The following PIP5K1B variants were observed in gnomAD, a reference collection of about 807,000 sequenced individuals.
PIP5K1B encodes phosphatidylinositol-4-phosphate 5-kinase type 1 beta, also known as phosphatidylinositol 4-phosphate 5-kinase type-1 beta.
In PIP5K1B, 42 loss-of-function variants were observed where a neutral mutation model predicts 67.0. That is an observed-to-expected ratio of 0.63 (90% confidence interval 0.49 to 0.81). PIP5K1B has a LOEUF of 0.81. Among genes scored for constraint, PIP5K1B ranks in the 30% least tolerant of loss-of-function variants. The probability of loss-of-function intolerance (pLI) is 0.00; values close to 1 mark genes in which losing one functional copy is unlikely to be tolerated. For synonymous variants in PIP5K1B, 214 were observed against 231.4 expected (o/e 0.92, Z 0.68); for missense variants, 459 against 646.3 (o/e 0.71, Z 3.14).
Position 68,789,746 on chromosome 9 carries a change from C to T in PIP5K1B, c.-85-28715C>T, listed in dbSNP as rs534139260. ...GCCTCAGGACTCTGCAGATTTTCAA[C>T]CCCATCTTTCAAGACCAGGCTCAGT... On this transcript the variant is annotated intron_variant, in intron 2 of 15. Coordinates refer to ENST00000265382, the MANE Select transcript of PIP5K1B (RefSeq NM_003558.4). The T allele has an allele frequency of 1.1e-4, 26 of 237,530 alleles. No homozygotes were observed. The South Asian group carries it at 1.4e-3, about 13-fold the overall frequency. The allele number at this position is 237,530 out of a possible 1,614,324, so 14.7% of individuals were successfully genotyped here. A position where few individuals can be genotyped will look rare whatever the true frequency, so the allele number is the denominator to read the frequency against.
chr9:68,731,570 A>T (rs1828432700), intron 1 of PIP5K1B, among the ~76,000 whole-genome samples: 1 of 152,218 alleles, frequency 6.6e-6, no homozygotes, highest in South Asian at 2.1e-4. Flanking sequence ...AGGCAATCGC[A>T]AAAACAAATG....
At chr9:68,708,544 C>CCA (rs1554702639) in intron 1 of PIP5K1B, among the ~76,000 whole-genome samples, 2 of 146,662 alleles carry the variant, frequency 1.4e-5, no homozygotes, top group Non-Finnish European at 3.0e-5. Context: ...GTTTGCCGCC[C>CCA]CCCCGCCCCT....
chr9:68,898,572 A>G (rs943228048), intron 8 of PIP5K1B, among the ~76,000 whole-genome samples: 21 of 152,266 alleles, frequency 1.4e-4, no homozygotes, highest in African/African-American at 4.1e-4. Flanking sequence ...TGCGTGTCCT[A>G]TTTGAAAACT....
At chr9:68,734,636 A>G (rs1828636122) in intron 1 of PIP5K1B, among the ~76,000 whole-genome samples, 1 of 152,188 alleles carries the variant, frequency 6.6e-6, no homozygotes, top group Non-Finnish European at 1.5e-5. Flanking sequence ...TGCTCCCATG[A>G]CATTTTGCTC....
At chr9:68,724,307 T>C (rs1828050572) in intron 1 of PIP5K1B, among the ~76,000 whole-genome samples, 1 of 151,924 alleles carries the variant, frequency 6.6e-6, no homozygotes, top group Non-Finnish European at 1.5e-5. Context: ...TGTAGTATAA[T>C]TTGAGATTAG....
At chr9:68,711,804 A>C (rs548311818) in intron 1 of PIP5K1B, among the ~76,000 whole-genome samples, 3 of 152,316 alleles carry the variant, frequency 2.0e-5, no homozygotes, top group East Asian at 3.9e-4. Context: ...TTTTATTTGA[A>C]AGTATTCAGT....
At chr9:68,712,612 G>A (rs1013031326) in intron 1 of PIP5K1B, among the ~76,000 whole-genome samples, 11 of 152,078 alleles carry the variant, frequency 7.2e-5, no homozygotes, top group Admixed American at 3.3e-4. Flanking sequence ...GATGAAGTGG[G>A]CCATCATTTA....
intron 4 of PIP5K1B, among the ~76,000 whole-genome samples, chr9:68,835,574 T>G (rs1222326704): frequency 1.3e-5 from 2 of 152,208 alleles, no homozygotes; most frequent in Non-Finnish European, 2.9e-5. Context: ...AGTCCAGGTA[T>G]TACTAGAATT....
chr9:68,872,306 G>C (rs775972998), intron 5 of PIP5K1B, among the ~76,000 whole-genome samples: 26 of 152,292 alleles, frequency 1.7e-4, no homozygotes, highest in Middle Eastern at 3.4e-3. Flanking sequence ...CTCTGCACTC[G>C]TGCTCCCCTG....
At chr9:68,903,144 A>G (rs1217711203) in intron 8 of PIP5K1B, among the ~76,000 whole-genome samples, 1 of 152,150 alleles carries the variant, frequency 6.6e-6, no homozygotes, top group African/African-American at 2.4e-5. Flanking sequence ...TGCTACTAAA[A>G]ATCTGCTCTG....
chr9:69,008,702 A>C lies in PIP5K1B; in HGVS notation c.*253A>C, dbSNP rs1460383345. The C allele has an allele frequency of 8.3e-6, 4 of 483,814 alleles. No individual in the cohort carries two copies. Among genetic ancestry groups the C allele is most frequent in the Non-Finnish European group, 1.5e-5 (4 of 263,188 alleles). The allele number at this position is 483,814 out of a possible 1,614,324, so 30.0% of individuals were successfully genotyped here. A position where few individuals can be genotyped will look rare whatever the true frequency, so the allele number is the denominator to read the frequency against. On this transcript the variant is annotated 3_prime_UTR_variant, in exon 16 of 16. Coordinates refer to ENST00000265382, the MANE Select transcript of PIP5K1B (RefSeq NM_003558.4). ...TGAAGAACTGCATGAACTATATTTA[A>C]GCTGCTTTCTGTACCATTGCCAATC...
At chr9:68,738,156 A>G (rs1828830958) in intron 1 of PIP5K1B, among the ~76,000 whole-genome samples, 1 of 152,214 alleles carries the variant, frequency 6.6e-6, no homozygotes, top group African/African-American at 2.4e-5. Context: ...AAAAATTCAT[A>G]TGTATGTGGC....
At chr9:68,938,014 C>A (rs1207172877) in intron 13 of PIP5K1B, among the ~76,000 whole-genome samples, 1 of 152,104 alleles carries the variant, frequency 6.6e-6, no homozygotes, top group Admixed American at 6.6e-5. Flanking sequence ...TGTTTTACTT[C>A]CAATTATGTG....
chr9:68,754,822 CT>C (rs1829842439), intron 2 of PIP5K1B, among the ~76,000 whole-genome samples: 1 of 152,150 alleles, frequency 6.6e-6, no homozygotes, highest in African/African-American at 2.4e-5. Flanking sequence ...GAGAATGTCA[CT>C]AGAGTTTCAC....
intron 2 of PIP5K1B, among the ~76,000 whole-genome samples, chr9:68,810,513 C>T (rs531067262): frequency 6.6e-6 from 1 of 152,290 alleles, no homozygotes; most frequent in South Asian, 2.1e-4. Flanking sequence ...GCTAGTGTCC[C>T]TTAACCTCTT....
At chr9:68,992,356 C>T (rs1163744743) in intron 15 of PIP5K1B, among the ~76,000 whole-genome samples, 2 of 152,116 alleles carry the variant, frequency 1.3e-5, no homozygotes, top group East Asian at 1.9e-4. Context: ...TACTCTGTGT[C>T]GCTCCTGGTG....
chr9:68,919,602 C>G (rs1454582730), intron 10 of PIP5K1B, 40 bp downstream of exon 10: 1 of 1,400,302 alleles, frequency 7.1e-7, no homozygotes, highest in Non-Finnish European at 1.0e-6. Context: ...ATTTCAAAAT[C>G]AATCTACAAA....
chr9:68,873,312 G>C (rs1823720004), intron 5 of PIP5K1B, among the ~76,000 whole-genome samples: 1 of 133,036 alleles, frequency 7.5e-6, no homozygotes, highest in South Asian at 2.4e-4. Context: ...GTCTGAGACA[G>C]GGTCTTGCTC....
chr9:68,992,580 C>G (rs1310978786), intron 15 of PIP5K1B, among the ~76,000 whole-genome samples: 1 of 152,088 alleles, frequency 6.6e-6, no homozygotes, highest in East Asian at 1.9e-4. Flanking sequence ...TGGCTCATGC[C>G]TCTAATCCCA....
Sources: allele counts gnomAD v4.1 joint callset (sites outside exome capture counted in the v4.1 genomes callset), GRCh38; gene constraint gnomAD v4.1.1; transcripts MANE v1.5; gene names NCBI Gene and HGNC (gene_info 2026-07-23, HGNC 2026-07-21).